ARHGEF11: variants seen among roughly 807,000 people sequenced by gnomAD.
ARHGEF11 encodes Rho guanine nucleotide exchange factor 11, also known as Rho guanine exchange factor (GEF) 11.
In ARHGEF11, 55 loss-of-function variants were observed where a neutral mutation model predicts 193.7. The observed-to-expected ratio is 0.28, with a 90% CI of 0.23 to 0.36. The LOEUF is 0.36. ARHGEF11 is among the 10% of genes least tolerant of loss of function. The pLI is 1.00. For synonymous variants in ARHGEF11, 693 were observed against 768.0 expected, an observed-to-expected ratio of 0.90 and a Z score of 1.62; for missense variants, 1,723 against 2,005.6, an observed-to-expected ratio of 0.86 and a Z score of 2.69.
intron 1 of ARHGEF11, among the ~76,000 whole-genome samples, chr1:157,000,902 C>T (rs956660957): frequency 2.0e-5 from 3 of 152,182 alleles, no homozygotes; most frequent in Non-Finnish European, 2.9e-5. Context: ...AGTCCATACC[C>T]TCCACATTCC....
chr1:156,959,943 C>CCA (rs1553204878), intron 15 of ARHGEF11, among the ~76,000 whole-genome samples: 51 of 97,152 alleles, frequency 5.2e-4, no homozygotes, highest in African/African-American at 1.7e-3. Flanking sequence ...CCCCCCCCCC[C>CCA]AAAAAAAACA....
rs377353699 is a variant in ARHGEF11, at chr1:156,940,267, G to A, written c.3673C>T (p.His1225Tyr). The change falls in exon 36 of 41, where the codon CAC (histidine) becomes TAC (tyrosine). Residue 1225 changes from histidine (H) to tyrosine (Y), a missense_variant. Around this residue, in one of 5 missense-constraint regions of ARHGEF11, gnomAD observed 203 missense variants for 237.3 expected, o/e 0.86. Coordinates refer to ENST00000368194, the MANE Select transcript of ARHGEF11 (RefSeq NM_198236.3). ...AACAGAGGGCCTGGGAAGGCCAAGTGGATGGGGTTCCTTGTCCTGATGCCC... is the reference window on the plus strand; with the variant it reads ...AACAGAGGGCCTGGGAAGGCCAAGTAGATGGGGTTCCTTGTCCTGATGCCC... ...NRGIRTRNPI[H>Y]LAFPGPLFME... 103 of 1,612,208 alleles carry A rather than the reference G, an allele frequency of 6.4e-5. No homozygotes were observed. The East Asian group carries it at 2.1e-3, about 34-fold the overall frequency.
intron 40 of ARHGEF11, among the ~76,000 whole-genome samples, chr1:156,936,480 G>GAAAAAAAAAAAAAAAAA (rs35863393): frequency 2.1e-5 from 1 of 48,022 alleles, no homozygotes; most frequent in Admixed American, 3.2e-4. Context: ...CAAATAAATA[G>GAAAAAAAAAAAAAAAAA]AAAAAAAAAA....
At chr1:156,968,222 T>C (rs1661983564) in intron 10 of ARHGEF11, 98 bp from the exon 11 acceptor site, 3 of 1,382,206 alleles carry the variant, frequency 2.2e-6, no homozygotes, top group Admixed American at 2.3e-5. Context: ...ACTTATAACA[T>C]CAGCTAAGAG....
chr1:156,963,290 G>A lies in ARHGEF11; in HGVS notation c.1053C>T (p.Phe351=). The change falls in exon 13 of 41, where the codon TTC becomes TTT. Residue 351 remains phenylalanine (F), a synonymous_variant. Transcript: ENST00000368194. ...GAGACTTCAGTTTCTCCAGATCCTG[G>A]AATATGATGTCGCTCTGGAAGGCAG... ...GYFNNESDII[F]QDLEKLKSRP... The A allele has an allele frequency of 6.2e-7, 1 of 1,614,076 alleles. No individual in the cohort carries two copies. The highest frequency in any genetic ancestry group is 8.5e-7 in the Non-Finnish European group (1 of 1,179,994).
intron 38 of ARHGEF11, 101 bp from the exon 39 acceptor site, chr1:156,937,597 A>T (rs1272072591): frequency 1.5e-5 from 19 of 1,303,740 alleles, no homozygotes; most frequent in Non-Finnish European, 1.9e-5. Flanking sequence ...AGAGCAGGCC[A>T]GGCAGTCCTC....
intron 1 of ARHGEF11, among the ~76,000 whole-genome samples, chr1:157,041,533 A>G (rs11264605): frequency 0.17 from 26,514 of 152,138 alleles, 2,978 homozygotes; most frequent in East Asian, 0.43. Context: ...GTCCTTTATT[A>G]TGTCATTTAT....
At chr1:157,043,134 A>G (rs1672960829) in intron 1 of ARHGEF11, among the ~76,000 whole-genome samples, 1 of 152,266 alleles carries the variant, frequency 6.6e-6, no homozygotes, top group African/African-American at 2.4e-5. Flanking sequence ...TTTAGGCCAC[A>G]TTCCACAACC....
chr1:156,997,862 T>G (rs1177445629), intron 1 of ARHGEF11, among the ~76,000 whole-genome samples: 1 of 152,178 alleles, frequency 6.6e-6, no homozygotes, highest in African/African-American at 2.4e-5. Context: ...ATTTTTTTTT[T>G]TACTATGGCT....
chr1:156,996,697 C>CG (rs1347953402), intron 1 of ARHGEF11, among the ~76,000 whole-genome samples: 6 of 135,834 alleles, frequency 4.4e-5, no homozygotes, highest in Admixed American at 2.5e-4. Flanking sequence ...GGCGTGAACC[C>CG]GGGGGGCGGA....
At chr1:156,973,042 C>CT (rs899610264) in intron 7 of ARHGEF11, among the ~76,000 whole-genome samples, 5 of 151,972 alleles carry the variant, frequency 3.3e-5, no homozygotes, top group Admixed American at 6.6e-5. Flanking sequence ...TTCACAGCCA[C>CT]TTTTTTTTCT....
At chr1:156,971,550 G>T in intron 8 of ARHGEF11, 147 bp downstream of exon 8, 1 of 1,074,210 alleles carries the variant, frequency 9.3e-7, no homozygotes, top group Non-Finnish European at 1.3e-6. Context: ...TGCTGACCTT[G>T]GTTTCTTTGT....
At chr1:157,017,845 T>TAA (rs1315289002) in intron 1 of ARHGEF11, among the ~76,000 whole-genome samples, 1 of 151,986 alleles carries the variant, frequency 6.6e-6, no homozygotes, top group African/African-American at 2.4e-5. Context: ...AAAATCCTGA[T>TAA]ATTCTCCAAA....
chr1:156,952,324 TCAGA>T (rs1269085330), intron 21 of ARHGEF11, among the ~76,000 whole-genome samples: 1 of 152,080 alleles, frequency 6.6e-6, no homozygotes, highest in Admixed American at 6.6e-5. Flanking sequence ...CTGTTCCTGT[TCAGA>T]CAGAGAGGGC....
intron 1 of ARHGEF11, among the ~76,000 whole-genome samples, chr1:157,009,601 C>T (rs371034564): frequency 6.6e-6 from 1 of 152,148 alleles, no homozygotes; most frequent in Non-Finnish European, 1.5e-5. Context: ...TTAAAGGGTA[C>T]CCACAAGGGA....
intron 32 of ARHGEF11, among the ~76,000 whole-genome samples, chr1:156,943,186 G>A (rs573948639): frequency 7.3e-5 from 11 of 150,982 alleles, no homozygotes; most frequent in African/African-American, 7.3e-5. Flanking sequence ...TCAGCCTCCC[G>A]AGTAACTGGA....
chr1:156,952,842 G>C (rs915666773), intron 21 of ARHGEF11, among the ~76,000 whole-genome samples: 2 of 152,258 alleles, frequency 1.3e-5, no homozygotes, highest in Non-Finnish European at 2.9e-5. Context: ...AGATCTGCCT[G>C]TCCCAGCCTG....
At chr1:156,987,118 G>A (rs1255769932) in intron 1 of ARHGEF11, among the ~76,000 whole-genome samples, 1 of 152,186 alleles carries the variant, frequency 6.6e-6, no homozygotes, top group Non-Finnish European at 1.5e-5. Context: ...CTCCTTTTTG[G>A]AAAAGTGTAC....
chr1:156,972,411 T>C (rs1369165474), intron 7 of ARHGEF11, among the ~76,000 whole-genome samples: 1 of 152,198 alleles, frequency 6.6e-6, no homozygotes, highest in Non-Finnish European at 1.5e-5. Context: ...TACATCCTCA[T>C]TGATAAAATG....
Sources: gnomAD v4.1 joint callset for allele counts (sites outside exome capture counted in the v4.1 genomes callset) on GRCh38, gnomAD v4.1.1 for gene constraint, gnomAD v4.1.1 regional missense constraint, MANE v1.5 for transcripts, NCBI Gene and HGNC (gene_info 2026-07-23, HGNC 2026-07-21) for gene names.